Variants in ANKAR observed in about 807,000 individuals in gnomAD.
ANKAR encodes ankyrin and armadillo repeat-containing protein.
Under a neutral mutation model 146.2 loss-of-function variants are expected in ANKAR, and 136 were observed. That is an observed-to-expected ratio of 0.93 (90% CI 0.81 to 1.07). The LOEUF (loss-of-function observed/expected upper bound fraction) is 1.07. Ranked by LOEUF, ANKAR falls within the 50% of genes least tolerant of loss-of-function variation. The probability of loss-of-function intolerance (pLI) is 0.00; values close to 1 mark genes in which losing one functional copy is unlikely to be tolerated. For synonymous variants in ANKAR, 500 were observed against 575.8 expected (o/e 0.87, Z 1.88); for missense variants, 1,567 against 1,679.9 (o/e 0.93, Z 1.18).
intron 18 of ANKAR, 79 bp from the exon 19 acceptor site, chr2:189,738,485 AC>A: frequency 1.1e-6 from 1 of 882,124 alleles, no homozygotes; most frequent in Non-Finnish European, 1.8e-6. Flanking sequence ...TAAAAAAAAA[AC>A]ATAAAAAATG....
At position 189,727,885 on chromosome 2, in the gene ANKAR, A is replaced by G. The variant is rs1204704271; in HGVS notation, c.2665A>G (p.Ile889Val). The G allele has an allele frequency of 2.5e-6, 4 of 1,613,954 alleles. No homozygotes were observed. Among genetic ancestry groups the G allele is most frequent in the South Asian group, 1.1e-5 (1 of 91,078 alleles). ...DVLKAVSSAAIAEVGRDNKEI... is the reference protein window; with the variant it reads ...DVLKAVSSAAVAEVGRDNKEI... ...GTTGAAGGCTGTATCTTCTGCTGCAATTGCTGAGGTTGGGCGTGACAATAA... is the reference window on the plus strand; with the variant it reads ...GTTGAAGGCTGTATCTTCTGCTGCAGTTGCTGAGGTTGGGCGTGACAATAA... Residue 889 changes from isoleucine to valine, a missense_variant, in exon 13 of 23, where the codon ATT becomes GTT. By Grantham distance (29) the Ile-to-Val change is conservative. Transcript: ENST00000684021.
At chr2:189,708,155 A>AG (rs1355323941) in intron 9 of ANKAR, among the ~76,000 whole-genome samples, 1 of 152,208 alleles carries the variant, frequency 6.6e-6, no homozygotes, top group Non-Finnish European at 1.5e-5. Context: ...AAAAAATGGG[A>AG]GGAATTATCA....
intron 12 of ANKAR, among the ~76,000 whole-genome samples, chr2:189,723,918 T>C (rs965395876): frequency 6.6e-6 from 1 of 152,192 alleles, no homozygotes; most frequent in African/African-American, 2.4e-5. Context: ...TTCCATTCCT[T>C]TCAGAATTTG....
chr2:189,762,855 C>T (rs1223484440), downstream of ANKAR: 1 of 985,298 alleles, frequency 1.0e-6, no homozygotes, highest in Non-Finnish European at 1.2e-6. Context: ...GAGCGGCATG[C>T]TTAGTGAAGA....
intron 18 of ANKAR, among the ~76,000 whole-genome samples, chr2:189,756,305 A>G (rs954679104): frequency 6.6e-6 from 1 of 152,174 alleles, no homozygotes; most frequent in African/African-American, 2.4e-5. Flanking sequence ...AGTGTAAAGA[A>G]CTAAGAGACA....
chr2:189,726,643 G>A (rs1358714037), intron 12 of ANKAR, among the ~76,000 whole-genome samples: 1 of 152,142 alleles, frequency 6.6e-6, no homozygotes, highest in Admixed American at 6.5e-5. Flanking sequence ...ATAACTAAGT[G>A]CAATACATGG....
chr2:189,685,464 C>G (rs538070147), intron 2 of ANKAR, among the ~76,000 whole-genome samples: 2 of 152,276 alleles, frequency 1.3e-5, no homozygotes, highest in South Asian at 2.1e-4. Flanking sequence ...TCATCCTCTT[C>G]CTTTTGTCAG....
At chr2:189,736,502 T>TTTTTTTTTTGTG (rs1422561376) in intron 17 of ANKAR, among the ~76,000 whole-genome samples, 3 of 142,066 alleles carry the variant, frequency 2.1e-5, no homozygotes, top group African/African-American at 7.7e-5. Context: ...TGACTGGGTT[T>TTTTTTTTTTGTG]TGTGTGTGTG....
Position 189,741,423 on chromosome 2 carries a change from G to T in ANKAR, c.3782G>T (p.Cys1261Phe), listed in dbSNP as rs2043317995. Residue 1261 changes from cysteine to phenylalanine, a missense_variant, in exon 20 of 23, where the codon TGC becomes TTC. By Grantham distance (205) the Cys-to-Phe change is radical. Coordinates refer to ENST00000684021, the MANE Select transcript of ANKAR (RefSeq NM_001378068.1). ...ACATTAGGAACAATCCAACGGCTCT[G>T]CTATCATTTGTACTCGGGAATAGAA... ...FTTLGTIQRL[C>F]YHLYSGIEEV... 6.2e-7 allele frequency: 1 copy of T among 1,610,826 alleles called. No homozygotes were observed. The highest frequency in any genetic ancestry group is 1.3e-5 in the African/African-American group (1 of 74,758).
chr2:189,722,377 C>T (rs4667304), intron 12 of ANKAR, among the ~76,000 whole-genome samples: 11,824 of 149,000 alleles, frequency 0.079, 600 homozygotes, highest in East Asian at 0.13. Context: ...TAGAGAGGGT[C>T]AGCTTTTATG....
rs1361879136 is a variant in ANKAR, at chr2:189,732,898, C to T, written c.3301-209C>T. 3.9e-5 allele frequency among the ~76,000 whole-genome samples: 6 copies of T among 152,120 alleles called. No homozygotes were observed. The East Asian group carries it at 1.2e-3, about 29-fold the overall frequency. On this transcript the variant is annotated intron_variant, in intron 16 of 22. Coordinates refer to ENST00000684021, the MANE Select transcript of ANKAR (RefSeq NM_001378068.1). The stretch of plus-strand genomic sequence containing the variant: ...GAGCTCTGTGGTTGGTCCCTGAACA[C>T]AGAAAGGATATTTTCTCAGCTATTA...
chr2:189,711,213 A>C, intron 10 of ANKAR, 60 bp downstream of exon 10: 2 of 1,242,958 alleles, frequency 1.6e-6, no homozygotes, highest in Non-Finnish European at 2.2e-6. Flanking sequence ...TATTTTATTC[A>C]TCAGTCATTT....
rs761031269 is a variant in ANKAR, at chr2:189,696,358, C to T, written c.1697C>T (p.Thr566Met). ...AAGGTCAACCAGAGGCGCTTTGTTACGTTCAGCCAAGGTACCATAAAGTTT... is the reference window on the plus strand; with the variant it reads ...AAGGTCAACCAGAGGCGCTTTGTTATGTTCAGCCAAGGTACCATAAAGTTT... ...NFKVNQRRFV[T>M]FSQGPTPLHL... Residue 566 changes from threonine to methionine, a missense_variant, in exon 7 of 23, where the codon ACG becomes ATG. By Grantham distance (81) the Thr-to-Met change is moderately conservative. Coordinates refer to ENST00000684021, the MANE Select transcript of ANKAR (RefSeq NM_001378068.1). 17 of 1,612,882 alleles carry T rather than the reference C, an allele frequency of 1.1e-5. No homozygotes were observed. In the Admixed American group the frequency reaches 1.5e-4, roughly 14 times the overall value.
chr2:189,728,132 G>C (rs756262105), intron 13 of ANKAR, 35 bp downstream of exon 13: 1 of 1,558,686 alleles, frequency 6.4e-7, no homozygotes, highest in South Asian at 1.2e-5. Context: ...ATTTTTCTTA[G>C]ATGATGTTTT....
At chr2:189,733,665 T>C (rs1363527752) in intron 17 of ANKAR, among the ~76,000 whole-genome samples, 1 of 152,130 alleles carries the variant, frequency 6.6e-6, no homozygotes, top group Admixed American at 6.5e-5. Context: ...TCTTAGACTT[T>C]CCAAAATTCT....
At chr2:189,704,592 T>C (rs2038640406) in intron 7 of ANKAR, among the ~76,000 whole-genome samples, 1 of 111,370 alleles carries the variant, frequency 9.0e-6, no homozygotes, top group East Asian at 2.6e-4. Context: ...TATATATATA[T>C]ATATAATTTT....
At chr2:189,678,903 T>G (rs1342963172) in intron 2 of ANKAR, among the ~76,000 whole-genome samples, 1 of 152,234 alleles carries the variant, frequency 6.6e-6, no homozygotes, top group Non-Finnish European at 1.5e-5. Context: ...GCTTTAGCTA[T>G]GTGGGCTCAT....
chr2:189,715,673 G>A (rs1450988934), intron 10 of ANKAR, among the ~76,000 whole-genome samples: 6 of 152,094 alleles, frequency 3.9e-5, no homozygotes, highest in African/African-American at 1.4e-4. Context: ...GATGAACATC[G>A]ATGCAAAAAT....
rs976377785 is a variant in ANKAR at position 189,754,286 on chromosome 2, T to C, written c.*585-6812T>C. ...CTTGTTTGGCCAAATGTTCTATGGC[T>C]TTCCCACCACTCATGGTGGAGCACT... On this transcript the variant is annotated intron_variant and NMD_transcript_variant, in intron 18 of 18. Coordinates refer to the ANKAR transcript ENST00000441800. The C allele has an allele frequency of 2.5e-6, 4 of 1,613,824 alleles. No individual in the cohort carries two copies. In the Middle Eastern group the frequency reaches 6.6e-4, roughly 266 times the overall value.
Sources: gnomAD v4.1 joint callset for allele counts (sites outside exome capture counted in the v4.1 genomes callset) on GRCh38, gnomAD v4.1.1 for gene constraint, MANE v1.5 for transcripts, NCBI Gene and HGNC (gene_info 2026-07-23, HGNC 2026-07-21) for gene names.